Variants in MLIP observed in about 807,000 individuals in gnomAD.
The protein encoded by MLIP is muscular LMNA-interacting protein.
In MLIP, 79 loss-of-function variants were observed where a neutral mutation model predicts 84.8. The observed-to-expected ratio is 0.93, with a 90% confidence interval of 0.78 to 1.12. The LOEUF is 1.12. Among genes scored for constraint, MLIP ranks in the 50% most tolerant of loss-of-function variants. MLIP has a pLI of 0.00. For missense variants in MLIP, 1,257 were observed against 1,160.6 expected (o/e 1.08, Z -1.21); for synonymous variants, 504 against 463.0 (o/e 1.09, Z -1.14).
intron 11 of MLIP, among the ~76,000 whole-genome samples, chr6:54,221,788 A>G (rs1363595423): frequency 6.6e-6 from 1 of 152,080 alleles, no homozygotes; most frequent in Non-Finnish European, 1.5e-5. Flanking sequence ...TCTATCCTGC[A>G]AACAAAACAA....
At chr6:54,256,641 A>C (rs942175583) in intron 12 of MLIP, among the ~76,000 whole-genome samples, 6 of 152,068 alleles carry the variant, frequency 3.9e-5, no homozygotes, top group Non-Finnish European at 7.4e-5. Context: ...ACTTTCTTCT[A>C]TCTTATGAAG....
At chr6:54,110,230 G>A (rs1042814528), upstream of MLIP, among the ~76,000 whole-genome samples, 1 of 151,858 alleles carries the variant, frequency 6.6e-6, no homozygotes, top group East Asian at 1.9e-4. Context: ...TGGTCCGCCC[G>A]CCTCGGCCTC....
At chr6:54,229,911 C>T (rs751179593) in intron 11 of MLIP, among the ~76,000 whole-genome samples, 20 of 151,968 alleles carry the variant, frequency 1.3e-4, no homozygotes, top group South Asian at 6.2e-4. Flanking sequence ...GTATGTAGGC[C>T]CTTTTTGCAA....
At chr6:54,178,181 T>A (rs1776493687) in intron 9 of MLIP, among the ~76,000 whole-genome samples, 1 of 152,106 alleles carries the variant, frequency 6.6e-6, no homozygotes, top group Non-Finnish European at 1.5e-5. Flanking sequence ...CTGCATGTCC[T>A]GCACATGTAT....
At chr6:54,213,182 A>G (rs1779582720) in intron 11 of MLIP, among the ~76,000 whole-genome samples, 1 of 152,224 alleles carries the variant, frequency 6.6e-6, no homozygotes, top group South Asian at 2.1e-4. Flanking sequence ...TGAGACTTAA[A>G]AAGACTCTGT....
At chr6:54,224,801 C>T (rs1320850071) in intron 11 of MLIP, among the ~76,000 whole-genome samples, 1 of 152,052 alleles carries the variant, frequency 6.6e-6, no homozygotes, top group African/African-American at 2.4e-5. Flanking sequence ...ATCCTCATAG[C>T]TTAGCTCCCA....
chr6:54,036,112 C>A (rs575024786), intron 1 of MLIP, among the ~76,000 whole-genome samples: 1 of 151,874 alleles, frequency 6.6e-6, no homozygotes, highest in South Asian at 2.1e-4. Context: ...ATATTTAAGT[C>A]TATGATCCAG....
intron 1 of MLIP, among the ~76,000 whole-genome samples, chr6:54,058,473 C>G (rs1156675053): frequency 6.6e-6 from 1 of 152,202 alleles, no homozygotes; most frequent in Non-Finnish European, 1.5e-5. Context: ...TAGCCTTTAT[C>G]TAACCAGCAC....
At chr6:54,236,885 C>T (rs1191660321) in intron 12 of MLIP, among the ~76,000 whole-genome samples, 1 of 152,004 alleles carries the variant, frequency 6.6e-6, no homozygotes, top group Non-Finnish European at 1.5e-5. Flanking sequence ...AAACAGTAAA[C>T]AACCATAAAA....
chr6:54,165,640 A>C (rs1265087217), intron 8 of MLIP, among the ~76,000 whole-genome samples: 2 of 152,114 alleles, frequency 1.3e-5, no homozygotes, highest in African/African-American at 2.4e-5. Flanking sequence ...GTTGGTAGTG[A>C]GGTCAAGAAA....
intron 1 of MLIP, among the ~76,000 whole-genome samples, chr6:54,063,645 T>G (rs1030250680): frequency 6.6e-6 from 1 of 151,596 alleles, no homozygotes; most frequent in Non-Finnish European, 1.5e-5. Context: ...GTAGATTCAT[T>G]CTAAAAAGTC....
intron 12 of MLIP, among the ~76,000 whole-genome samples, chr6:54,255,892 C>T (rs950844631): frequency 1.3e-5 from 2 of 152,108 alleles, no homozygotes; most frequent in African/African-American, 4.8e-5. Flanking sequence ...TACTACTTAA[C>T]CTACTTATAC....
At chr6:54,262,673 T>C (rs1783463212) in intron 13 of MLIP, among the ~76,000 whole-genome samples, 1 of 152,072 alleles carries the variant, frequency 6.6e-6, no homozygotes, top group Non-Finnish European at 1.5e-5. Context: ...CTCAAGTCCT[T>C]GAAAGAGACT....
At chr6:54,070,358 T>A (rs1402214823) in intron 1 of MLIP, among the ~76,000 whole-genome samples, 1 of 152,218 alleles carries the variant, frequency 6.6e-6, no homozygotes. Context: ...ATGTCCCAGA[T>A]AATGGATTGG....
chr6:54,052,367 C>T lies in MLIP; in HGVS notation c.63+33276C>T, dbSNP rs556404283. On this transcript the variant is annotated intron_variant, in intron 1 of 12. Transcript: ENST00000274897. ...TAGAGCAGAAGGAAACTTTTAAGTT[C>T]GTCTACCTGTTGTTCAACCATCTAC... Among the ~76,000 whole-genome samples the T allele has an allele frequency of 5.1e-4, 78 of 152,228 alleles. 1 individual carries two copies. The highest frequency in any genetic ancestry group is 2.1e-4 in the South Asian group (1 of 4,826).
chr6:54,139,818 C>A (rs1258829330), intron 4 of MLIP, among the ~76,000 whole-genome samples: 1 of 152,032 alleles, frequency 6.6e-6, no homozygotes, highest in African/African-American at 2.4e-5. Context: ...AAAGAAATAA[C>A]TCATGTTAGC....
At chr6:54,051,081 T>C (rs1765350268) in intron 1 of MLIP, among the ~76,000 whole-genome samples, 1 of 152,104 alleles carries the variant, frequency 6.6e-6, no homozygotes, top group Non-Finnish European at 1.5e-5. Context: ...GAGGTATTTG[T>C]TTCCATCTCT....
intron 1 of MLIP, among the ~76,000 whole-genome samples, chr6:54,084,561 C>T (rs1033577253): frequency 2.0e-5 from 3 of 152,178 alleles, no homozygotes; most frequent in African/African-American, 7.2e-5. Context: ...TTCTATACCT[C>T]AAGCAGGTGG....
chr6:54,171,953 G>A (rs975512950), intron 9 of MLIP, among the ~76,000 whole-genome samples: 2 of 151,470 alleles, frequency 1.3e-5, no homozygotes, highest in African/African-American at 4.8e-5. Context: ...GTATATAACT[G>A]CTGGGATTCA....
Sources: allele counts gnomAD v4.1 joint callset (sites outside exome capture counted in the v4.1 genomes callset), GRCh38; gene constraint gnomAD v4.1.1; transcripts MANE v1.5; gene names NCBI Gene and HGNC (gene_info 2026-07-23, HGNC 2026-07-21).